Variants in IMMP2L observed in about 807,000 individuals in gnomAD.
The protein encoded by IMMP2L is mitochondrial inner membrane protease subunit 2.
In IMMP2L, 18 loss-of-function variants were observed where a neutral mutation model predicts 19.3. The observed-to-expected ratio is 0.93, with a 90% CI of 0.64 to 1.38. The LOEUF is 1.38. IMMP2L is among the 40% of genes most tolerant of loss of function. The pLI, the probability that IMMP2L is intolerant of heterozygous loss-of-function variation, is 0.00. For synonymous variants in IMMP2L, 76 were observed against 73.0 expected, an observed-to-expected ratio of 1.04 and a Z score of -0.21; for missense variants, 233 against 218.2, an observed-to-expected ratio of 1.07 and a Z score of -0.43.
At chr7:111,346,060 C>A (rs189227595) in intron 3 of IMMP2L, among the ~76,000 whole-genome samples, 1 of 152,228 alleles carries the variant, frequency 6.6e-6, no homozygotes, top group African/African-American at 2.4e-5. Flanking sequence ...ATTACCTAAC[C>A]ACTCTCTTCT....
intron 4 of IMMP2L, among the ~76,000 whole-genome samples, chr7:110,956,853 G>A (rs1315074709): frequency 1.3e-5 from 2 of 151,962 alleles, no homozygotes; most frequent in African/African-American, 4.8e-5. Context: ...AAATGTTGAT[G>A]CCTTAACAAT....
chr7:110,973,852 A>G (rs1490301656), intron 3 of IMMP2L, among the ~76,000 whole-genome samples: 2 of 152,104 alleles, frequency 1.3e-5, no homozygotes, highest in Non-Finnish European at 2.9e-5. Context: ...TGTACATTTC[A>G]CAGACTCTGA....
intron 3 of IMMP2L, among the ~76,000 whole-genome samples, chr7:111,050,976 G>C (rs970236908): frequency 6.6e-6 from 1 of 152,150 alleles, no homozygotes; most frequent in African/African-American, 2.4e-5. Context: ...GCTGACTTAA[G>C]AGTTGCTGGG....
intron 3 of IMMP2L, among the ~76,000 whole-genome samples, chr7:111,004,375 G>C (rs1020833460): frequency 6.6e-6 from 1 of 151,976 alleles, no homozygotes; most frequent in Admixed American, 6.6e-5. Context: ...GTGTTTCCCA[G>C]GCTGGTCTGA....
At chr7:110,776,008 T>C (rs1292186302) in intron 5 of IMMP2L, among the ~76,000 whole-genome samples, 2 of 151,944 alleles carry the variant, frequency 1.3e-5, no homozygotes, top group Non-Finnish European at 2.9e-5. Context: ...AAGGAACTTA[T>C]AAACCTCAAA....
chr7:111,016,647 T>C (rs1825617724), intron 3 of IMMP2L, among the ~76,000 whole-genome samples: 1 of 108,612 alleles, frequency 9.2e-6, no homozygotes, highest in Non-Finnish European at 1.6e-5. Flanking sequence ...ATATATTATG[T>C]GCATATATAC....
chr7:111,446,673 G>A (rs1585137215), intron 3 of IMMP2L, among the ~76,000 whole-genome samples: 1 of 152,350 alleles, frequency 6.6e-6, no homozygotes, highest in Admixed American at 6.5e-5. Flanking sequence ...AAGGAACGCA[G>A]TTCCTCACCA....
At chr7:111,358,829 G>C (rs1177712772) in intron 3 of IMMP2L, among the ~76,000 whole-genome samples, 2 of 152,168 alleles carry the variant, frequency 1.3e-5, no homozygotes, top group East Asian at 3.9e-4. Context: ...AAATTAACAA[G>C]GGACAGAAAT....
chr7:111,357,464 T>G (rs1828831116), intron 3 of IMMP2L, among the ~76,000 whole-genome samples: 1 of 152,122 alleles, frequency 6.6e-6, no homozygotes. Flanking sequence ...AAGATGACCA[T>G]AAATGCAGTT....
At chr7:111,366,190 T>C (rs2131044230) in intron 3 of IMMP2L, among the ~76,000 whole-genome samples, 1 of 151,994 alleles carries the variant, frequency 6.6e-6, no homozygotes, top group East Asian at 1.9e-4. Context: ...AGACAGTACC[T>C]TGACCAGATA....
chr7:110,865,822 G>T (rs1437611346), intron 5 of IMMP2L, among the ~76,000 whole-genome samples: 2 of 151,672 alleles, frequency 1.3e-5, no homozygotes, highest in African/African-American at 2.4e-5. Context: ...AATTATGTAA[G>T]AACCCTACCT....
intron 3 of IMMP2L, among the ~76,000 whole-genome samples, chr7:111,043,387 T>C (rs952190591): frequency 1.3e-5 from 2 of 152,090 alleles, no homozygotes; most frequent in Admixed American, 1.3e-4. Context: ...CCTCCCCTTT[T>C]CCTCTCAACG....
chr7:110,976,470 T>C (rs533075707), intron 3 of IMMP2L, among the ~76,000 whole-genome samples: 1 of 152,220 alleles, frequency 6.6e-6, no homozygotes, highest in Non-Finnish European at 1.5e-5. Flanking sequence ...GTCATTATTT[T>C]ATGAATATCC....
chr7:111,454,092 T>A (rs559616738), intron 3 of IMMP2L, among the ~76,000 whole-genome samples: 1 of 152,160 alleles, frequency 6.6e-6, no homozygotes, highest in Non-Finnish European at 1.5e-5. Flanking sequence ...TAACAGTGAA[T>A]TGAAACCATA....
chr7:110,686,011 G>C (rs1793084253), intron 5 of IMMP2L, among the ~76,000 whole-genome samples: 1 of 152,064 alleles, frequency 6.6e-6, no homozygotes, highest in African/African-American at 2.4e-5. Flanking sequence ...AATTTTCCTA[G>C]CAAAATAACA....
At chr7:111,004,704 CTGTCCAGTTTCTA>C (rs1413215510) in intron 3 of IMMP2L, among the ~76,000 whole-genome samples, 3 of 152,250 alleles carry the variant, frequency 2.0e-5, no homozygotes, top group Admixed American at 6.5e-5. Context: ...GAAGGCAAAG[CTGTCCAGTTTCTA>C]TATGAGGCAT....
chr7:111,487,156 T>C (rs565445780), intron 3 of IMMP2L, 82 bp downstream of exon 3: 1 of 642,216 alleles, frequency 1.6e-6, no homozygotes, highest in Non-Finnish European at 2.8e-6. Context: ...GGCAATATGA[T>C]ATTAACAGTG....
At position 110,870,243 on chromosome 7, in the gene IMMP2L, A is replaced by G. The variant is rs1808393107; in HGVS notation, c.408+16350T>C. Among the ~76,000 whole-genome samples the G allele has an allele frequency of 6.6e-6, 1 of 152,074 alleles. No homozygotes were observed. Among genetic ancestry groups the G allele is most frequent in the Non-Finnish European group, 1.5e-5 (1 of 68,016 alleles). ...AATCTCCACTAACCATTTTAAGTGCATTTCATTCTCTTTTTTCCAAAGATG... is the reference window on the plus strand; with the variant it reads ...AATCTCCACTAACCATTTTAAGTGCGTTTCATTCTCTTTTTTCCAAAGATG... On this transcript the variant is annotated intron_variant, in intron 5 of 5. Transcript: ENST00000405709. The surrounding 1 kb of genome is among the most constrained non-coding windows in gnomAD (Gnocchi z 4.2).
At chr7:111,214,328 CTTCTTTTTTTTTTTT>C (rs1372659626) in intron 3 of IMMP2L, among the ~76,000 whole-genome samples, 1 of 85,110 alleles carries the variant, frequency 1.2e-5, no homozygotes, top group Non-Finnish European at 2.3e-5. Flanking sequence ...AGTAATTTTT[CTTCTTTTTTTTTTTT>C]TTTTTTTTTT....
Sources: allele counts gnomAD v4.1 joint callset (sites outside exome capture counted in the v4.1 genomes callset), GRCh38; gene constraint gnomAD v4.1.1; non-coding constraint Gnocchi (gnomAD v3.1); transcripts MANE v1.5; gene names NCBI Gene and HGNC (gene_info 2026-07-23, HGNC 2026-07-21).